The following ENOX2 variants were observed in gnomAD, a reference collection of about 807,000 sequenced individuals.
ENOX2 encodes the protein ecto-NOX disulfide-thiol exchanger 2, also known as APK1 antigen.
ENOX2 carries 36 observed loss-of-function variants against 45.0 expected under a neutral mutation model. The observed-to-expected ratio is 0.80, with a 90% CI of 0.61 to 1.06. The LOEUF (loss-of-function observed/expected upper bound fraction) is 1.06, where lower values mean the gene tolerates loss of function less well. Among genes scored for constraint, ENOX2 ranks in the 50% least tolerant of loss-of-function variants. The probability of loss-of-function intolerance (pLI) is 0.00; values close to 1 mark genes in which losing one functional copy is unlikely to be tolerated. For synonymous variants in ENOX2, 174 were observed against 152.3 expected (o/e 1.14, Z -1.05); for missense variants, 423 against 462.5 (o/e 0.91, Z 0.78).
chrX:130,902,834 G>T (rs2079169535), intron 1 of ENOX2, among the ~76,000 whole-genome samples: 1 of 95,425 alleles, frequency 1.0e-5, no homozygotes, highest in African/African-American at 3.9e-5. Flanking sequence ...AAAAAAAAAA[G>T]AGCAAAGACA....
intron 3 of ENOX2, among the ~76,000 whole-genome samples, chrX:130,758,807 A>G (rs2039409522): frequency 9.0e-6 from 1 of 111,719 alleles, no homozygotes; most frequent in African/African-American, 3.3e-5. Context: ...CATTTCCTTA[A>G]TGGTTCATGA....
intron 2 of ENOX2, among the ~76,000 whole-genome samples, chrX:130,899,879 G>C (rs2079117283): frequency 8.9e-6 from 1 of 112,158 alleles, no homozygotes. Context: ...AAGAGGCAAG[G>C]GGGGCATGCA....
At chrX:130,692,469 C>T (rs760880040) in intron 4 of ENOX2, among the ~76,000 whole-genome samples, 2 of 112,637 alleles carry the variant, frequency 1.8e-5, no homozygotes, top group South Asian at 7.3e-4. Flanking sequence ...ATATCCTGTT[C>T]TATTTTGCTT....
intron 7 of ENOX2, 145 bp from the exon 8 acceptor site, chrX:130,667,887 T>A (rs1340720456): frequency 9.0e-6 from 4 of 442,919 alleles, no homozygotes; most frequent in Non-Finnish European, 1.6e-5. Flanking sequence ...TACACACATG[T>A]GCACACACAG....
intron 10 of ENOX2, among the ~76,000 whole-genome samples, chrX:130,655,721 G>A (rs2036529024): frequency 8.9e-6 from 1 of 111,895 alleles, no homozygotes; most frequent in Non-Finnish European, 1.9e-5. Flanking sequence ...TGCAATGTCT[G>A]CCTCCCAGGT....
At chrX:130,829,354 T>A (rs1480960470) in intron 2 of ENOX2, among the ~76,000 whole-genome samples, 1 of 111,666 alleles carries the variant, frequency 9.0e-6, no homozygotes, top group Admixed American at 9.5e-5. Context: ...ACTGCTTACT[T>A]ATTTTGTAGA....
intron 10 of ENOX2, among the ~76,000 whole-genome samples, chrX:130,648,685 A>C (rs1481000643): frequency 9.1e-6 from 1 of 109,889 alleles, no homozygotes; most frequent in Non-Finnish European, 1.9e-5. Context: ...TTGGGTCATA[A>C]GGGTGGATCC....
At chrX:130,696,811 A>AT (rs1245743049) in intron 4 of ENOX2, among the ~76,000 whole-genome samples, 2 of 110,933 alleles carry the variant, frequency 1.8e-5, no homozygotes, top group African/African-American at 6.6e-5. Context: ...GGACTGGTAT[A>AT]TTTTTTCTTC....
chrX:130,816,512 T>C (rs2077487482), intron 2 of ENOX2, among the ~76,000 whole-genome samples: 1 of 111,642 alleles, frequency 9.0e-6, no homozygotes, highest in African/African-American at 3.3e-5. Flanking sequence ...GACCACATAA[T>C]TGGAAGTAAA....
intron 2 of ENOX2, among the ~76,000 whole-genome samples, chrX:130,812,158 T>C (rs1011226733): frequency 8.9e-6 from 1 of 111,814 alleles, no homozygotes; most frequent in Non-Finnish European, 1.9e-5. Flanking sequence ...TTAAATAAAA[T>C]AGTAGAAAAC....
At chrX:130,840,526 T>A (rs1027333191) in intron 2 of ENOX2, among the ~76,000 whole-genome samples, 4 of 99,208 alleles carry the variant, frequency 4.0e-5, no homozygotes, top group South Asian at 4.4e-4. Flanking sequence ...TTTTAAAAAA[T>A]AAATAAATAA....
At chrX:130,643,288 CA>C (rs1305054305) in intron 10 of ENOX2, among the ~76,000 whole-genome samples, 1 of 110,204 alleles carries the variant, frequency 9.1e-6, no homozygotes, top group Non-Finnish European at 1.9e-5. Context: ...AAACAAAAAA[CA>C]AGGGTAACCA....
intron 2 of ENOX2, among the ~76,000 whole-genome samples, chrX:130,814,830 C>T (rs767235850): frequency 1.8e-4 from 20 of 111,539 alleles, no homozygotes; most frequent in Middle Eastern, 4.6e-3. Context: ...AAAACCAGAA[C>T]GCCTCTTTTC....
chrX:130,710,596 T>C (rs1455108811), intron 3 of ENOX2, among the ~76,000 whole-genome samples: 1 of 111,864 alleles, frequency 8.9e-6, no homozygotes, highest in Non-Finnish European at 1.9e-5. Flanking sequence ...AGTGCTGAGG[T>C]TGAGAAATCC....
At chrX:130,870,931 G>GGA (rs2078573695) in intron 2 of ENOX2, among the ~76,000 whole-genome samples, 1 of 107,136 alleles carries the variant, frequency 9.3e-6, no homozygotes, top group Admixed American at 1.0e-4. Context: ...GGAGGGAGAC[G>GGA]GAGAGAGAGA....
rs1348171941 is a variant in ENOX2 at position 130,848,820 on chromosome X, A to ACAAAAAAAAAC, written c.-183+52853_-183+52863dup. On this transcript the variant is annotated intron_variant, in intron 2 of 14. Coordinates refer to ENST00000394363, the MANE Select transcript of ENOX2 (RefSeq NM_006375.4). ...AACAAAACAAAGCAAAACAAAACAA[A>ACAAAAAAAAAC]CAAAAAAAAACCAAAAAAAAACTGC... 4.5e-5 allele frequency among the ~76,000 whole-genome samples: 5 copies of ACAAAAAAAAAC among 110,814 alleles called. No homozygotes were observed. The East Asian group carries it at 1.1e-3, about 25-fold the overall frequency.
At chrX:130,648,527 A>T (rs1180953618) in intron 10 of ENOX2, among the ~76,000 whole-genome samples, 6 of 111,731 alleles carry the variant, frequency 5.4e-5, no homozygotes, top group African/African-American at 2.0e-4. Context: ...CAAAGAGAAG[A>T]CTCATCCTCT....
intron 3 of ENOX2, among the ~76,000 whole-genome samples, chrX:130,717,595 C>T (rs966106034): frequency 2.0e-4 from 23 of 112,394 alleles, no homozygotes; most frequent in South Asian, 3.7e-4. Flanking sequence ...ACCTAGTTTT[C>T]AAGAGTGGCT....
chrX:130,804,116 T>C (rs912398374), intron 2 of ENOX2, among the ~76,000 whole-genome samples: 1 of 111,473 alleles, frequency 9.0e-6, no homozygotes, highest in African/African-American at 3.3e-5. Context: ...AAAGAATTAA[T>C]GAGCAGTAAA....
Sources: gnomAD v4.1 joint callset for allele counts (sites outside exome capture counted in the v4.1 genomes callset) on GRCh38, gnomAD v4.1.1 for gene constraint, MANE v1.5 for transcripts, NCBI Gene and HGNC (gene_info 2026-07-23, HGNC 2026-07-21) for gene names.